SSBP3: variants seen among roughly 807,000 people sequenced by gnomAD.
SSBP3 encodes single-stranded DNA-binding protein 3.
A neutral mutation model predicts 69.6 loss-of-function variants in SSBP3; 5 were observed. The observed-to-expected ratio is 0.07, with a 90% CI of 0.04 to 0.15. The LOEUF is 0.15. Among genes scored for constraint, SSBP3 ranks in the 10% least tolerant of loss-of-function variants. SSBP3 has a pLI of 1.00. For synonymous variants in SSBP3, 196 were observed against 193.4 expected (o/e 1.01, Z -0.11); for missense variants, 312 against 534.0 (o/e 0.58, Z 4.10).
At chr1:54,308,629 G>T (rs1205259216) in intron 4 of SSBP3, among the ~76,000 whole-genome samples, 1 of 150,724 alleles carries the variant, frequency 6.6e-6, no homozygotes, top group Non-Finnish European at 1.5e-5. Flanking sequence ...TTAGCCGGGC[G>T]TGGTGGCGCA....
At chr1:54,252,064 G>A (rs915550196) in intron 7 of SSBP3, among the ~76,000 whole-genome samples, 14 of 152,164 alleles carry the variant, frequency 9.2e-5, no homozygotes, top group South Asian at 6.2e-4. Flanking sequence ...TAACTGTGGC[G>A]TTGTTTTGGG....
intron 7 of SSBP3, among the ~76,000 whole-genome samples, chr1:54,255,356 T>C (rs1644902956): frequency 1.3e-5 from 2 of 152,336 alleles, no homozygotes; most frequent in Middle Eastern, 3.4e-3. Context: ...AGCTCCTTTC[T>C]TCCTGGCAGA....
chr1:54,316,579 T>G (rs533807474), intron 4 of SSBP3, among the ~76,000 whole-genome samples: 2 of 144,776 alleles, frequency 1.4e-5, no homozygotes, highest in South Asian at 4.4e-4. Context: ...AAGCGGAGCT[T>G]GCAGTGAGCC....
chr1:54,370,560 G>A (rs954948507), intron 4 of SSBP3, among the ~76,000 whole-genome samples: 4 of 152,080 alleles, frequency 2.6e-5, no homozygotes, highest in Non-Finnish European at 4.4e-5. Flanking sequence ...ATCATATACT[G>A]GACACGTGAC....
chr1:54,241,075 T>C, intron 12 of SSBP3, 116 bp from the exon 13 acceptor site: 1 of 1,126,964 alleles, frequency 8.9e-7, no homozygotes, highest in Non-Finnish European at 1.3e-6. Flanking sequence ...CAGCCGCTAT[T>C]CATCTTGCTA....
intron 9 of SSBP3, among the ~76,000 whole-genome samples, chr1:54,246,921 C>A (rs1644744145): frequency 6.6e-6 from 1 of 152,268 alleles, no homozygotes. Context: ...TGCCTGCCTG[C>A]AGCACCACGT....
intron 4 of SSBP3, among the ~76,000 whole-genome samples, chr1:54,317,796 G>A (rs1434616940): frequency 1.3e-5 from 2 of 152,020 alleles, no homozygotes; most frequent in Non-Finnish European, 2.9e-5. Flanking sequence ...ATGAAATCTT[G>A]TTCTTGTCAC....
At chr1:54,398,962 T>C (rs182944675) in intron 4 of SSBP3, among the ~76,000 whole-genome samples, 164 of 152,330 alleles carry the variant, frequency 1.1e-3, no homozygotes, top group Admixed American at 1.7e-3. Flanking sequence ...TACACTCTAC[T>C]TGATTTTCTA....
intron 9 of SSBP3, among the ~76,000 whole-genome samples, chr1:54,245,664 A>T (rs1462279032): frequency 6.6e-6 from 1 of 152,200 alleles, no homozygotes; most frequent in Non-Finnish European, 1.5e-5. Flanking sequence ...GAGCCAGAGA[A>T]GGCAGGCCCC....
intron 4 of SSBP3, among the ~76,000 whole-genome samples, chr1:54,304,969 C>T (rs1172910936): frequency 7.9e-5 from 12 of 152,238 alleles, no homozygotes; most frequent in South Asian, 6.2e-4. Flanking sequence ...GCGTGGGACC[C>T]GGAGCGGCTC....
intron 4 of SSBP3, among the ~76,000 whole-genome samples, chr1:54,400,578 T>C (rs1179571312): frequency 6.6e-6 from 1 of 152,208 alleles, no homozygotes; most frequent in African/African-American, 2.4e-5. Context: ...AGAAGTACCA[T>C]TCATCAGCTT....
At chr1:54,292,149 C>T (rs997481970) in intron 4 of SSBP3, among the ~76,000 whole-genome samples, 1 of 152,236 alleles carries the variant, frequency 6.6e-6, no homozygotes, top group Non-Finnish European at 1.5e-5. Context: ...TAGGCCCTCC[C>T]TCTTTCTCCC....
At chr1:54,354,368 A>G (rs1646829270) in intron 4 of SSBP3, among the ~76,000 whole-genome samples, 1 of 152,132 alleles carries the variant, frequency 6.6e-6, no homozygotes, top group African/African-American at 2.4e-5. Context: ...ACATAAGCCA[A>G]TGCTGGGACC....
chr1:54,260,264 C>G (rs1644995129), intron 5 of SSBP3, among the ~76,000 whole-genome samples: 1 of 152,200 alleles, frequency 6.6e-6, no homozygotes, highest in Non-Finnish European at 1.5e-5. Context: ...GGGCAAAAGG[C>G]CTTCTGTTGG....
chr1:54,354,710 C>T (rs61776540), intron 4 of SSBP3, among the ~76,000 whole-genome samples: 170 of 152,250 alleles, frequency 1.1e-3, no homozygotes, highest in Non-Finnish European at 2.1e-3. Context: ...ATCCCAGGAA[C>T]ACTAACCTCT....
Position 54,316,709 on chromosome 1 carries a change from T to A in SSBP3, c.277-35182A>T, listed in dbSNP as rs576419925. On this transcript the variant is annotated intron_variant, in intron 4 of 17. Transcript: ENST00000610401. ...ATAAATAAATAAATAAATAAATAAA[T>A]AAAATAAAATAAAATAAAATAAAAA... 3.6e-3 allele frequency among the ~76,000 whole-genome samples: 403 copies of A among 113,386 alleles called. 27 individuals carry two copies. The highest frequency in any genetic ancestry group is 0.015 in the African/African-American group (339 of 23,138). 74.4% of individuals were successfully genotyped at this position (113,386 alleles called of 152,430 possible). A position where few individuals can be genotyped will look rare whatever the true frequency, so the allele number is the denominator to read the frequency against.
intron 4 of SSBP3, among the ~76,000 whole-genome samples, chr1:54,372,999 TATATA>T (rs2100686692): frequency 6.6e-6 from 1 of 152,304 alleles, no homozygotes; most frequent in African/African-American, 2.4e-5. Context: ...GCAATGTCTT[TATATA>T]ATTTCCCCAT....
chr1:54,250,784 GA>G (rs1644815007), intron 9 of SSBP3, among the ~76,000 whole-genome samples: 1 of 152,160 alleles, frequency 6.6e-6, no homozygotes, highest in African/African-American at 2.4e-5. Flanking sequence ...GCTACTATAG[GA>G]AACAGAACCA....
At chr1:54,227,190 G>GA in intron 17 of SSBP3, 30 bp from the exon 18 acceptor site, 1 of 1,158,724 alleles carries the variant, frequency 8.6e-7, no homozygotes, top group Non-Finnish European at 1.3e-6. Context: ...AAGGGGGGGG[G>GA]GTGAGGATTG....
Sources: gnomAD v4.1 joint callset for allele counts (sites outside exome capture counted in the v4.1 genomes callset) on GRCh38, gnomAD v4.1.1 for gene constraint, MANE v1.5 for transcripts, NCBI Gene and HGNC (gene_info 2026-07-23, HGNC 2026-07-21) for gene names.